PPP1R9B: variants seen among roughly 807,000 people sequenced by gnomAD.
The protein encoded by PPP1R9B is protein phosphatase 1 regulatory subunit 9B, also known as neurabin-2.
Under a neutral mutation model 75.8 loss-of-function variants are expected in PPP1R9B, and 17 were observed. The observed-to-expected ratio is 0.22, with a 90% CI of 0.15 to 0.34. PPP1R9B has a LOEUF of 0.34. Ranked by LOEUF, PPP1R9B falls within the 10% of genes least tolerant of loss-of-function variation. The pLI, the probability that PPP1R9B is intolerant of heterozygous loss-of-function variation, is 1.00. For missense variants in PPP1R9B, 875 were observed against 1,196.0 expected, an observed-to-expected ratio of 0.73 and a Z score of 3.96; for synonymous variants, 509 against 535.4, an observed-to-expected ratio of 0.95 and a Z score of 0.68.
chr17:50,137,120 C>G (rs1181657170), intron 7 of PPP1R9B, among the ~76,000 whole-genome samples: 1 of 152,068 alleles, frequency 6.6e-6, no homozygotes, highest in South Asian at 2.1e-4. Context: ...CCCCCATCTA[C>G]CCTCCTGCTT....
In PPP1R9B at chr17:50,150,444, C is replaced by G. The variant is rs750197839; in HGVS notation, c.70G>C (p.Glu24Gln). ...RSASPHRSAY[E>Q]AGIQALKPPD... Reference sequence around the variant, plus strand: ...GGCTTCAGCGCCTGGATGCCCGCCTCGTAGGCGCTGCGGTGCGGGGAGGCG... The same window carrying G: ...GGCTTCAGCGCCTGGATGCCCGCCTGGTAGGCGCTGCGGTGCGGGGAGGCG... The change falls in exon 1 of 10, where the codon GAG becomes CAG. Residue 24 changes from glutamate to glutamine, a missense_variant. Physicochemically the swap from Glu to Gln is conservative, Grantham distance 29. This residue lies in a region of PPP1R9B where 145 missense variants were observed against 226.1 expected (regional missense o/e 0.64). Coordinates refer to ENST00000612501, the MANE Select transcript of PPP1R9B (RefSeq NM_032595.5). The surrounding 1 kb of genome is among the most constrained non-coding windows in gnomAD (Gnocchi z 8.7). 5.8e-6 allele frequency: 8 copies of G among 1,386,846 alleles called. No homozygotes were observed. The highest frequency in any genetic ancestry group is 7.5e-6 in the Non-Finnish European group (8 of 1,065,044). 85.9% of individuals were successfully genotyped at this position (1,386,846 alleles called of 1,614,324 possible).
chr17:50,142,478 G>A lies in PPP1R9B; in HGVS notation c.1626-1105C>T, dbSNP rs923272878. 2.6e-5 allele frequency among the ~76,000 whole-genome samples: 4 copies of A among 152,090 alleles called. No homozygotes were observed. The highest frequency in any genetic ancestry group is 1.3e-4 in the Admixed American group (2 of 15,276). ...GTAAATGAAAGGGTATCCTGTTCCC[G>A]GCCCCTCTCCATGCCACCTGGGCCA... On this transcript the variant is annotated intron_variant, in intron 3 of 9. Coordinates refer to ENST00000612501, the MANE Select transcript of PPP1R9B (RefSeq NM_032595.5). The surrounding 1 kb of genome is among the most constrained non-coding windows in gnomAD (Gnocchi z 4.1).
chr17:50,145,129 A>G lies in PPP1R9B; in HGVS notation c.1488T>C (p.Pro496=), dbSNP rs752068975. The change falls in exon 2 of 10, where the codon CCT becomes CCC. Residue 496 remains proline, a synonymous_variant. Coordinates refer to ENST00000612501, the MANE Select transcript of PPP1R9B (RefSeq NM_032595.5). The part of the protein sequence containing the change: ...EKRVERLELF[P]VELEKDSEGL... The stretch of plus-strand genomic sequence containing the variant: ...GCCTCTCACCCTTCTCCAGCTCCAC[A>G]GGGAACAGCTCCAACCTCTCCACAC... 2.5e-6 allele frequency: 4 copies of G among 1,613,802 alleles called. No individual in the cohort carries two copies. The highest frequency in any genetic ancestry group is 1.6e-4 in the Middle Eastern group (1 of 6,078).
chr17:50,140,119 C>A lies in PPP1R9B; in HGVS notation c.1840G>T (p.Ala614Ser). Residue 614 changes from alanine (A) to serine (S), a missense_variant, in exon 5 of 10, where the codon GCC becomes TCC. By Grantham distance (99) the Ala-to-Ser change is moderately conservative. Around this residue, in one of 4 missense-constraint regions of PPP1R9B, gnomAD observed 218 missense variants for 334.6 expected, o/e 0.65. Coordinates refer to ENST00000612501, the MANE Select transcript of PPP1R9B (RefSeq NM_032595.5). ...TCCTCGTCATCCTCCCCATACTGGG[C>A]GTATCTCTGCTCCATCATCTCCCGC... ...WQREMMEQRY[A>S]QYGEDDEETG... The A allele has an allele frequency of 1.9e-6, 3 of 1,613,502 alleles. No individual in the cohort carries two copies. Among genetic ancestry groups the A allele is most frequent in the Non-Finnish European group, 2.5e-6 (3 of 1,179,748 alleles).
At chr17:50,136,819 A>G (rs1912244912) in intron 7 of PPP1R9B, among the ~76,000 whole-genome samples, 1 of 152,034 alleles carries the variant, frequency 6.6e-6, no homozygotes, top group Non-Finnish European at 1.5e-5. Context: ...CTGAGCTGCA[A>G]ATCTCAAGTC....
In PPP1R9B at chr17:50,135,559, C is replaced by G. The variant is rs1201591952; in HGVS notation, c.2394G>C (p.Leu798=). 6.2e-6 allele frequency: 10 copies of G among 1,610,192 alleles called. No homozygotes were observed. In the East Asian group the frequency reaches 1.8e-4, roughly 29 times the overall value. ...CAGGGCGCCCCAGGCCCACCTTGTC[C>G]AGGAGCTTGTCCATCTCCTCCTTTC... ...LARKEEMDKL[L]DKISELEGNL... is the part of the protein sequence containing the mutation. Residue 798 remains leucine (L), a synonymous_variant, in exon 9 of 10, where the codon CTG becomes CTC. Coordinates refer to ENST00000612501, the MANE Select transcript of PPP1R9B (RefSeq NM_032595.5).
At chr17:50,147,257 G>C (rs1316559878) in intron 1 of PPP1R9B, among the ~76,000 whole-genome samples, 1 of 152,222 alleles carries the variant, frequency 6.6e-6, no homozygotes, top group East Asian at 1.9e-4. Context: ...CCTAGGGGAG[G>C]TCCCACCTCC....
intron 3 of PPP1R9B, 22 bp downstream of exon 3, chr17:50,143,576 C>A (rs368074788): frequency 1.9e-6 from 3 of 1,613,496 alleles, no homozygotes; most frequent in South Asian, 1.1e-5. Flanking sequence ...AAGGGTCAGG[C>A]GAGACTGGGG....
In PPP1R9B at chr17:50,149,794, G is replaced by A; in HGVS notation, c.720C>T (p.Asn240=). ...GGGACCGCTTGCTGACCAGCTTCGAGTTGACCTGGGGAACCCCTGCGGCCC... is the reference window on the plus strand; with the variant it reads ...GGGACCGCTTGCTGACCAGCTTCGAATTGACCTGGGGAACCCCTGCGGCCC... ...LPRAAGVPQV[N]SKLVSKRSRV... is the part of the protein sequence containing the mutation. The change falls in exon 1 of 10, where the codon AAC becomes AAT. Residue 240 remains asparagine, a synonymous_variant. Coordinates refer to ENST00000612501, the MANE Select transcript of PPP1R9B (RefSeq NM_032595.5). This position sits in a 1 kb window ranked among gnomAD's most constrained non-coding sequence, Gnocchi z 7.2. 1 of 1,415,640 alleles carries A rather than the reference G, an allele frequency of 7.1e-7. No homozygotes were observed. The highest frequency in any genetic ancestry group is 9.2e-7 in the Non-Finnish European group (1 of 1,092,530). The allele number at this position is 1,415,640 out of a possible 1,614,324, so 87.7% of individuals were successfully genotyped here. A position where few individuals can be genotyped will look rare whatever the true frequency, so the allele number is the denominator to read the frequency against.
Position 50,136,147 on chromosome 17 carries a change from C to T in PPP1R9B, c.2124G>A (p.Gln708=). 13 of 1,605,260 alleles carry T rather than the reference C, an allele frequency of 8.1e-6. No individual in the cohort carries two copies. The highest frequency in any genetic ancestry group is 1.1e-5 in the Non-Finnish European group (13 of 1,179,828). ...EKGRWRVEKA[Q]LEQSVEENKE... ...TGTTCTCCTCCACACTCTGCTCCAA[C>T]TGCGCCTTCTCCACCCGCCAGCGCC... The change falls in exon 8 of 10, where the codon CAG becomes CAA. Residue 708 remains glutamine (Q), a synonymous_variant. Coordinates refer to ENST00000612501, the MANE Select transcript of PPP1R9B (RefSeq NM_032595.5).
At position 50,136,078 on chromosome 17, in the gene PPP1R9B, C is replaced by T. The variant is rs778034275; in HGVS notation, c.2193G>A (p.Gln731=). ...EKLEGYWGEA[Q]SLCQAVDEHL... ...GCTCGTCCACAGCCTGGCACAGGCTCTGGGCCTCACCCCAGTAGCCTTCCA... is the reference window on the plus strand; with the variant it reads ...GCTCGTCCACAGCCTGGCACAGGCTTTGGGCCTCACCCCAGTAGCCTTCCA... The change falls in exon 8 of 10, where the codon CAG becomes CAA. Residue 731 remains glutamine, a synonymous_variant. Transcript: ENST00000612501. The T allele has an allele frequency of 6.3e-5, 101 of 1,612,544 alleles. 1 individual carries two copies. In the Middle Eastern group the frequency reaches 6.9e-3, roughly 111 times the overall value.
Position 50,149,975 on chromosome 17 carries a change from T to C in PPP1R9B, c.539A>G (p.Asp180Gly), listed in dbSNP as rs1359729504. Residue 180 changes from aspartate (D) to glycine (G), a missense_variant, in exon 1 of 10, where the codon GAC (aspartate) becomes GGC (glycine). Transcript: ENST00000612501. The surrounding 1 kb of genome is among the most constrained non-coding windows in gnomAD (Gnocchi z 7.2). ...GCGCACCACGACGTCCAGCTTCCGG[T>C]CCTGCAGGCCGGCGCGCTCCTGCCT... ...LLRQERAGLQ[D>G]RKLDVVVRFN... is the part of the protein sequence containing the mutation. 2.0e-6 allele frequency: 3 copies of C among 1,512,014 alleles called. No homozygotes were observed. The highest frequency in any genetic ancestry group is 2.6e-6 in the Non-Finnish European group (3 of 1,139,094). 93.7% of individuals were successfully genotyped at this position (1,512,014 alleles called of 1,614,324 possible).
chr17:50,143,828 G>A, intron 2 of PPP1R9B, 110 bp from the exon 3 acceptor site: 1 of 1,449,484 alleles, frequency 6.9e-7, no homozygotes, highest in South Asian at 1.2e-5. Flanking sequence ...TCCCCATTAG[G>A]GGATGTCCCA....
chr17:50,139,326 A>C lies in PPP1R9B; in HGVS notation c.2020-10T>G. ...CATGCTTGATCTGGAGCTGTTGGGC[A>C]GAGGGGCAGGCACTCAGCTCCAGCA... On this transcript the variant is annotated splice_polypyrimidine_tract_variant and intron_variant, in intron 6 of 9. Coordinates refer to ENST00000612501, the MANE Select transcript of PPP1R9B (RefSeq NM_032595.5). The surrounding 1 kb of genome is among the most constrained non-coding windows in gnomAD (Gnocchi z 5.0). 1 of 1,614,010 alleles carries C rather than the reference A, an allele frequency of 6.2e-7. No homozygotes were observed. The highest frequency in any genetic ancestry group is 8.5e-7 in the Non-Finnish European group (1 of 1,179,870).
chr17:50,145,204 G>A lies in PPP1R9B; in HGVS notation c.1413C>T (p.Asn471=), dbSNP rs779734018. ...TYSNEDYDRR[N]EDVDPMAASA... is the part of the protein sequence containing the mutation. ...AGGCTGCCATGGGATCCACATCCTCGTTGCGACGATCGTAATCCTCGTTGG... is the reference window on the plus strand; with the variant it reads ...AGGCTGCCATGGGATCCACATCCTCATTGCGACGATCGTAATCCTCGTTGG... Residue 471 remains asparagine (N), a synonymous_variant, in exon 2 of 10, where the codon AAC becomes AAT. Coordinates refer to ENST00000612501, the MANE Select transcript of PPP1R9B (RefSeq NM_032595.5). 58 of 1,613,830 alleles carry A rather than the reference G, an allele frequency of 3.6e-5. 1 individual carries two copies. The highest frequency in any genetic ancestry group is 2.2e-4 in the South Asian group (20 of 91,090).
intron 1 of PPP1R9B, 56 bp from the exon 2 acceptor site, chr17:50,145,301 G>T (rs1912486378): frequency 6.2e-7 from 1 of 1,605,214 alleles, no homozygotes; most frequent in Non-Finnish European, 8.5e-7. Context: ...TGCAGAACTG[G>T]CATGAGGAGG....
chr17:50,149,042 C>T lies in PPP1R9B; in HGVS notation c.1371+101G>A. On this transcript the variant is annotated intron_variant, in intron 1 of 9. Coordinates refer to ENST00000612501, the MANE Select transcript of PPP1R9B (RefSeq NM_032595.5). This position sits in a 1 kb window ranked among gnomAD's most constrained non-coding sequence, Gnocchi z 7.2. The stretch of plus-strand genomic sequence containing the variant: ...TGGGAAGGGGGCTGGGTGGCAGGGG[C>T]TGACTCAGCCTGCCAAACCCGGCTG... The T allele has an allele frequency of 3.5e-6, 3 of 849,470 alleles. No individual in the cohort carries two copies. The highest frequency in any genetic ancestry group is 5.1e-6 in the Non-Finnish European group (3 of 593,966). The allele number at this position is 849,470 out of a possible 1,614,324, so 52.6% of individuals were successfully genotyped here.
intron 1 of PPP1R9B, 139 bp from the exon 2 acceptor site, chr17:50,145,384 C>T: frequency 9.2e-7 from 1 of 1,085,912 alleles, no homozygotes; most frequent in Non-Finnish European, 1.4e-6. Context: ...CACCCAGTCC[C>T]CTGAGACCCC....
rs1023077234 is a variant in PPP1R9B, at chr17:50,135,349, C to T, written c.2436G>A (p.Arg812=). 2 of 1,613,544 alleles carry T rather than the reference C, an allele frequency of 1.2e-6. No homozygotes were observed. Among genetic ancestry groups the T allele is most frequent in the African/African-American group, 1.3e-5 (1 of 74,980 alleles). The change falls in exon 10 of 10, where the codon AGG becomes AGA. Residue 812 remains arginine (R), a synonymous_variant. Coordinates refer to ENST00000612501, the MANE Select transcript of PPP1R9B (RefSeq NM_032595.5). ...SELEGNLQTL[R]NSNST Reference sequence around the variant, plus strand: ...ATTCCTGTTAAGTAGAATTGGAATTCCTCAGTGTTTGCAAGTTTCCTTCCA... The same window carrying T: ...ATTCCTGTTAAGTAGAATTGGAATTTCTCAGTGTTTGCAAGTTTCCTTCCA...
Sources: gnomAD v4.1 joint callset for allele counts (sites outside exome capture counted in the v4.1 genomes callset) on GRCh38, gnomAD v4.1.1 for gene constraint, gnomAD v4.1.1 regional missense constraint, Gnocchi (gnomAD v3.1) non-coding constraint, MANE v1.5 for transcripts, NCBI Gene and HGNC (gene_info 2026-07-23, HGNC 2026-07-21) for gene names.